CD2AP: variants seen among roughly 807,000 people sequenced by gnomAD.
The protein encoded by CD2AP is CD2-associated protein.
CD2AP carries 46 observed loss-of-function variants against 85.1 expected under a neutral mutation model. The observed-to-expected ratio is 0.54, with a 90% confidence interval of 0.43 to 0.69. CD2AP has a LOEUF of 0.69. Among genes scored for constraint, CD2AP ranks in the 30% least tolerant of loss-of-function variants. The pLI is 0.00. For missense variants in CD2AP, 769 were observed against 729.5 expected, an observed-to-expected ratio of 1.05 and a Z score of -0.62; for synonymous variants, 255 against 252.9, an observed-to-expected ratio of 1.01 and a Z score of -0.08.
intron 17 of CD2AP, among the ~76,000 whole-genome samples, chr6:47,621,591 T>A (rs1372455337): frequency 6.6e-6 from 1 of 152,212 alleles, no homozygotes; most frequent in African/African-American, 2.4e-5. Flanking sequence ...TCTTTCTCTA[T>A]CTTGTGGAAT....
intron 12 of CD2AP, among the ~76,000 whole-genome samples, chr6:47,598,000 A>G (rs1457463733): frequency 6.6e-6 from 1 of 150,940 alleles, no homozygotes; most frequent in Non-Finnish European, 1.5e-5. Flanking sequence ...GTCTCCTGCC[A>G]CAGCCTTCCT....
chr6:47,511,625 C>A (rs1766315115), intron 2 of CD2AP, among the ~76,000 whole-genome samples: 1 of 152,124 alleles, frequency 6.6e-6, no homozygotes, highest in African/African-American at 2.4e-5. Context: ...TGTAACTCTT[C>A]TGTAAATCTT....
chr6:47,551,243 A>G (rs1767515160), intron 4 of CD2AP, among the ~76,000 whole-genome samples: 1 of 152,166 alleles, frequency 6.6e-6, no homozygotes, highest in Non-Finnish European at 1.5e-5. Flanking sequence ...TATCATTTGA[A>G]GGAGTATTAA....
Position 47,624,854 on chromosome 6 carries a change from C to A in CD2AP, c.*627C>A, listed in dbSNP as rs1228104276. ...CTAGCTATATAAACCAGATTACTCA[C>A]CCATGCATATAGTAAGAACTAATGA... On this transcript the variant is annotated 3_prime_UTR_variant, in exon 18 of 18. Coordinates refer to ENST00000359314, the MANE Select transcript of CD2AP (RefSeq NM_012120.3). 1 of 151,762 alleles carries A rather than the reference C, an allele frequency of 6.6e-6. No individual in the cohort carries two copies. Among genetic ancestry groups the A allele is most frequent in the African/African-American group, 2.4e-5 (1 of 41,350 alleles). The allele number at this position is 151,762 out of a possible 1,614,324, so 9.4% of individuals were successfully genotyped here.
intron 17 of CD2AP, among the ~76,000 whole-genome samples, chr6:47,622,201 C>T (rs114971028): frequency 6.6e-6 from 1 of 152,140 alleles, no homozygotes; most frequent in African/African-American, 2.4e-5. Context: ...CGTGCCTCCC[C>T]CAACAGCCCT....
intron 9 of CD2AP, among the ~76,000 whole-genome samples, chr6:47,580,112 T>G (rs1768433339): frequency 6.6e-6 from 1 of 152,344 alleles, no homozygotes; most frequent in Non-Finnish European, 1.5e-5. Context: ...ACTCTCCAAC[T>G]CTATGGAAGC....
At chr6:47,503,135 AAAGT>A (rs1766040796) in intron 1 of CD2AP, 141 bp from the exon 2 acceptor site, 2 of 771,028 alleles carry the variant, frequency 2.6e-6, no homozygotes, top group Non-Finnish European at 4.2e-6. Flanking sequence ...CCAAATATTT[AAAGT>A]AATTGAAATC....
intron 1 of CD2AP, among the ~76,000 whole-genome samples, chr6:47,484,363 T>TG (rs1027537899): frequency 2.6e-5 from 4 of 152,002 alleles, no homozygotes; most frequent in African/African-American, 9.7e-5. Flanking sequence ...TTTTTTTTTT[T>TG]TTGTTATGTT....
At chr6:47,534,976 T>C (rs1360785085) in intron 3 of CD2AP, among the ~76,000 whole-genome samples, 3 of 152,092 alleles carry the variant, frequency 2.0e-5, no homozygotes, top group African/African-American at 7.2e-5. Context: ...GTATTTTTCT[T>C]TGAAGAGATG....
intron 17 of CD2AP, among the ~76,000 whole-genome samples, chr6:47,623,449 A>G (rs987104400): frequency 6.6e-6 from 1 of 152,178 alleles, no homozygotes; most frequent in African/African-American, 2.4e-5. Flanking sequence ...TTACCATGAC[A>G]AGTCCTGTGT....
intron 5 of CD2AP, among the ~76,000 whole-genome samples, chr6:47,558,109 A>C (rs1455872247): frequency 6.6e-6 from 1 of 152,152 alleles, no homozygotes; most frequent in Non-Finnish European, 1.5e-5. Flanking sequence ...GAGTTTGCTC[A>C]TGATTTGGCC....
At chr6:47,534,301 G>C (rs7754290) in intron 3 of CD2AP, among the ~76,000 whole-genome samples, 91,787 of 151,860 alleles carry the variant, frequency 0.6, 28,539 homozygotes, top group Middle Eastern at 0.74. Flanking sequence ...CATTTAAACT[G>C]TTGAGTTTTA....
At chr6:47,510,719 T>A (rs76169300) in intron 2 of CD2AP, among the ~76,000 whole-genome samples, 2,370 of 152,166 alleles carry the variant, frequency 0.016, 42 homozygotes, top group African/African-American at 0.038. Context: ...AAATACTTAT[T>A]TCCTTTTCCG....
intron 3 of CD2AP, among the ~76,000 whole-genome samples, chr6:47,537,148 T>G (rs938920854): frequency 1.3e-5 from 2 of 152,162 alleles, no homozygotes; most frequent in African/African-American, 4.8e-5. Flanking sequence ...AAAAGCTAGT[T>G]GAAACAATGC....
chr6:47,501,349 G>C (rs1009365290), intron 1 of CD2AP, among the ~76,000 whole-genome samples: 1 of 152,116 alleles, frequency 6.6e-6, no homozygotes, highest in Non-Finnish European at 1.5e-5. Context: ...TTGCCTCTTT[G>C]GCAGTTAGAT....
At chr6:47,533,300 A>G (rs1766938211) in intron 2 of CD2AP, among the ~76,000 whole-genome samples, 1 of 152,042 alleles carries the variant, frequency 6.6e-6, no homozygotes, top group African/African-American at 2.4e-5. Context: ...CCTGACTTTG[A>G]ATTATTGTTT....
At chr6:47,609,349 C>T in intron 16 of CD2AP, 45 bp downstream of exon 16, 1 of 1,453,764 alleles carries the variant, frequency 6.9e-7, no homozygotes, top group East Asian at 2.3e-5. Context: ...TTAACCCATG[C>T]ATAAAGAATT....
chr6:47,571,277 G>A (rs1424946924), intron 5 of CD2AP, among the ~76,000 whole-genome samples: 1 of 152,142 alleles, frequency 6.6e-6, no homozygotes, highest in African/African-American at 2.4e-5. Flanking sequence ...GAGCAAGATG[G>A]TATGGAATTC....
In CD2AP at chr6:47,624,679, C is replaced by CTGTGTGTGTGTGTGTGTGTGTGTGTGTG. The variant is rs60486147; in HGVS notation, c.*468_*495dup. On this transcript the variant is annotated 3_prime_UTR_variant, in exon 18 of 18. Coordinates refer to ENST00000359314, the MANE Select transcript of CD2AP (RefSeq NM_012120.3). ...CCATAATGCATAAGGGATATAAACT[C>CTGTGTGTGTGTGTGTGTGTGTGTGTGTG]TGTGTGTGTGTGTGTGTGTGTGTGT... is the stretch of plus-strand genomic sequence containing the variant. 8.2e-6 allele frequency: 1 copy of CTGTGTGTGTGTGTGTGTGTGTGTGTGTG among 121,460 alleles called. No homozygotes were observed. Among genetic ancestry groups the CTGTGTGTGTGTGTGTGTGTGTGTGTGTG allele is most frequent in the African/African-American group, 3.6e-5 (1 of 27,526 alleles). The allele number at this position is 121,460 out of a possible 1,614,324, so 7.5% of individuals were successfully genotyped here.
Sources: allele counts gnomAD v4.1 joint callset (sites outside exome capture counted in the v4.1 genomes callset), GRCh38; gene constraint gnomAD v4.1.1; transcripts MANE v1.5; gene names NCBI Gene and HGNC (gene_info 2026-07-23, HGNC 2026-07-21).